The following ZNF343 variants were observed in gnomAD, a reference collection of about 807,000 sequenced individuals.
ZNF343 encodes zinc finger protein 343.
ZNF343 carries 11 observed loss-of-function variants against 13.8 expected under a neutral mutation model. The ratio of observed to expected loss-of-function variants is 0.80; its 90% confidence interval spans 0.50 to 1.32. The LOEUF is 1.32. Ranked by LOEUF, ZNF343 falls within the 40% of genes most tolerant of loss-of-function variation. The probability of loss-of-function intolerance (pLI) is 0.00; values close to 1 mark genes in which losing one functional copy is unlikely to be tolerated. For missense variants in ZNF343, 658 were observed against 714.2 expected, an observed-to-expected ratio of 0.92 and a Z score of 0.90; for synonymous variants, 248 against 260.0, an observed-to-expected ratio of 0.95 and a Z score of 0.44.
At chr20:2,496,847 G>A (rs1414048123) in intron 2 of ZNF343, among the ~76,000 whole-genome samples, 2 of 152,180 alleles carry the variant, frequency 1.3e-5, no homozygotes, top group Non-Finnish European at 1.5e-5. Flanking sequence ...GTGGGAGGCC[G>A]AGGTGGGCAG....
At position 2,482,229 on chromosome 20, in the gene ZNF343, T is replaced by C. The variant is rs115726903; in HGVS notation, c.*932A>G. 6.6e-6 allele frequency: 1 copy of C among 152,238 alleles called. No individual in the cohort carries two copies. The highest frequency in any genetic ancestry group is 1.5e-5 in the Non-Finnish European group (1 of 68,042). The allele number at this position is 152,238 out of a possible 1,614,324, so 9.4% of individuals were successfully genotyped here. A position where few individuals can be genotyped will look rare whatever the true frequency, so the allele number is the denominator to read the frequency against. ...GTCCATTCTCCCCACACATGCAGAATTTCTATTCAATATACTCTGGGGCTT... is the reference window on the plus strand; with the variant it reads ...GTCCATTCTCCCCACACATGCAGAACTTCTATTCAATATACTCTGGGGCTT... On this transcript the variant is annotated 3_prime_UTR_variant, in exon 6 of 6. Transcript: ENST00000278772.
intron 1 of ZNF343, among the ~76,000 whole-genome samples, chr20:2,503,119 T>G (rs1174670746): frequency 3.3e-5 from 5 of 152,128 alleles, no homozygotes; most frequent in African/African-American, 1.2e-4. Flanking sequence ...TGGAGGAAGA[T>G]CTACCAAGCA....
chr20:2,517,806 C>T (rs916873097), intron 1 of ZNF343, among the ~76,000 whole-genome samples: 7 of 151,746 alleles, frequency 4.6e-5, no homozygotes, highest in Admixed American at 4.6e-4. Context: ...TGCCCTTGGC[C>T]TCAATTTGTT....
chr20:2,492,321 A>G (rs1217280949), intron 5 of ZNF343, among the ~76,000 whole-genome samples: 1 of 152,124 alleles, frequency 6.6e-6, no homozygotes, highest in Non-Finnish European at 1.5e-5. Flanking sequence ...CTTACACTAG[A>G]TACCTACAGT....
At chr20:2,492,188 G>GC (rs1173630672) in intron 5 of ZNF343, 4 of 156,922 alleles carry the variant, frequency 2.5e-5, no homozygotes, top group Non-Finnish European at 5.7e-5. Flanking sequence ...TCACAGAGCT[G>GC]CATCTCTCCC....
intron 1 of ZNF343, among the ~76,000 whole-genome samples, chr20:2,517,410 T>C (rs759435213): frequency 2.6e-5 from 4 of 151,988 alleles, no homozygotes; most frequent in Non-Finnish European, 5.9e-5. Context: ...TATGTATATA[T>C]ATACACACAT....
At position 2,518,545 on chromosome 20, in the gene ZNF343, C is replaced by CT. The variant is rs1455346246; in HGVS notation, c.-347+5909dup. ...CAATAGTACTCACAAGTGCCAGACT[C>CT]TAACTTCTGATTTCTAAATAGCTAC... On this transcript the variant is annotated intron_variant, in intron 1 of 6. Transcript: ENST00000358413. The surrounding 1 kb of genome is among the most constrained non-coding windows in gnomAD (Gnocchi z 4.6). Among the ~76,000 whole-genome samples the CT allele has an allele frequency of 3.3e-5, 5 of 152,302 alleles. No individual in the cohort carries two copies. The highest frequency in any genetic ancestry group is 9.6e-5 in the African/African-American group (4 of 41,566).
At chr20:2,504,145 T>A (rs6515483) in intron 1 of ZNF343, among the ~76,000 whole-genome samples, 2 of 151,928 alleles carry the variant, frequency 1.3e-5, no homozygotes, top group Middle Eastern at 6.8e-3. Context: ...ACTGATCCCA[T>A]AGAAATACAA....
At chr20:2,515,626 A>G (rs1224701251) in intron 1 of ZNF343, among the ~76,000 whole-genome samples, 1 of 152,190 alleles carries the variant, frequency 6.6e-6, no homozygotes, top group African/African-American at 2.4e-5. Flanking sequence ...TATTCTAATT[A>G]TGTCTAGTTA....
At chr20:2,493,152 T>A in intron 4 of ZNF343, 1 of 473,150 alleles carries the variant, frequency 2.1e-6, no homozygotes, top group Non-Finnish European at 3.8e-6. Context: ...AATTCAGAGA[T>A]GAAACAGCAG....
chr20:2,509,700 A>G (rs1022389482), upstream of ZNF343, among the ~76,000 whole-genome samples: 5 of 152,184 alleles, frequency 3.3e-5, no homozygotes, highest in African/African-American at 1.2e-4. Context: ...AACTAATAAT[A>G]TTTTTAAAAC....
At chr20:2,490,296 CA>C (rs1365557298) in intron 5 of ZNF343, among the ~76,000 whole-genome samples, 2 of 152,064 alleles carry the variant, frequency 1.3e-5, no homozygotes, top group Non-Finnish European at 2.9e-5. Context: ...GAGTATGTGA[CA>C]CTGACTCCTA....
intron 5 of ZNF343, chr20:2,492,200 CT>C (rs1440692158): frequency 6.3e-6 from 1 of 157,626 alleles, no homozygotes; most frequent in Non-Finnish European, 1.4e-5. Context: ...ATCTCTCCCC[CT>C]TGCAAACCAT....
intron 1 of ZNF343, among the ~76,000 whole-genome samples, chr20:2,522,144 A>T (rs1438185787): frequency 1.3e-5 from 2 of 152,218 alleles, no homozygotes; most frequent in Non-Finnish European, 2.9e-5. Context: ...GGAGCAATAA[A>T]AGTGTGGTGT....
chr20:2,498,641 C>A (rs1831872946), intron 2 of ZNF343, among the ~76,000 whole-genome samples: 1 of 152,140 alleles, frequency 6.6e-6, no homozygotes, highest in Admixed American at 6.5e-5. Context: ...CAATCCCAGT[C>A]CATATTTAGT....
chr20:2,504,707 AT>A (rs1363149703), intron 1 of ZNF343, among the ~76,000 whole-genome samples: 1 of 152,234 alleles, frequency 6.6e-6, no homozygotes, highest in Admixed American at 6.5e-5. Context: ...AAACCATATG[AT>A]TATCTCAATA....
At chr20:2,487,684 T>C (rs1362088320) in intron 5 of ZNF343, among the ~76,000 whole-genome samples, 1 of 152,246 alleles carries the variant, frequency 6.6e-6, no homozygotes, top group African/African-American at 2.4e-5. Context: ...GGTAAATTCC[T>C]ATAGGTAGGA....
chr20:2,500,668 T>G lies in ZNF343; in HGVS notation c.-162A>C, dbSNP rs6083475. On this transcript the variant is annotated 5_prime_UTR_variant, in exon 2 of 6. Coordinates refer to ENST00000278772, the MANE Select transcript of ZNF343 (RefSeq NM_024325.6). ...AAGTGGTACCTACCTGATAGGAAGTTCTCGGGAGCACAGAAGTCTTTCCTT... is the reference window on the plus strand; with the variant it reads ...AAGTGGTACCTACCTGATAGGAAGTGCTCGGGAGCACAGAAGTCTTTCCTT... 38,604 of 152,080 alleles carry G rather than the reference T, an allele frequency of 0.25. 5,983 individuals carry two copies. Among genetic ancestry groups the G allele is most frequent in the Non-Finnish European group, 0.35 (23,774 of 67,968 alleles). 9.4% of individuals were successfully genotyped at this position (152,080 alleles called of 1,614,324 possible).
chr20:2,524,915 C>T (rs1396086786), upstream of ZNF343, among the ~76,000 whole-genome samples: 1 of 152,206 alleles, frequency 6.6e-6, no homozygotes, highest in Non-Finnish European at 1.5e-5. Context: ...TCCGCGGGGC[C>T]CAGACGCCAA....
Sources: gnomAD v4.1 joint callset for allele counts (sites outside exome capture counted in the v4.1 genomes callset) on GRCh38, gnomAD v4.1.1 for gene constraint, Gnocchi (gnomAD v3.1) non-coding constraint, MANE v1.5 for transcripts, NCBI Gene and HGNC (gene_info 2026-07-23, HGNC 2026-07-21) for gene names.